The following FER variants were observed in gnomAD, a reference collection of about 807,000 sequenced individuals.
FER encodes the protein tyrosine-protein kinase Fer.
FER carries 63 observed loss-of-function variants against 111.0 expected under a neutral mutation model. That is an observed-to-expected ratio of 0.57 (90% CI 0.46 to 0.70). The LOEUF (loss-of-function observed/expected upper bound fraction) is 0.70, where lower values mean the gene tolerates loss of function less well. Among genes scored for constraint, FER ranks in the 30% least tolerant of loss-of-function variants. The pLI is 0.00. For synonymous variants in FER, 327 were observed against 313.9 expected (o/e 1.04, Z -0.44); for missense variants, 914 against 954.0 (o/e 0.96, Z 0.55).
At chr5:108,757,864 G>C (rs547739139) in intron 1 of FER, among the ~76,000 whole-genome samples, 200 of 152,246 alleles carry the variant, frequency 1.3e-3, no homozygotes, top group African/African-American at 4.3e-3. Context: ...AACAAATATA[G>C]GAGCTAGACC....
At chr5:109,107,631 G>A (rs760650863) in intron 17 of FER, among the ~76,000 whole-genome samples, 8 of 152,034 alleles carry the variant, frequency 5.3e-5, no homozygotes, top group Non-Finnish European at 7.4e-5. Context: ...AAAGTTATGG[G>A]GTTATCTCAC....
At chr5:109,063,921 C>T (rs1378338007) in intron 16 of FER, among the ~76,000 whole-genome samples, 1 of 152,082 alleles carries the variant, frequency 6.6e-6, no homozygotes, top group East Asian at 1.9e-4. Flanking sequence ...TAGACATTCC[C>T]ATTTTTATTG....
Position 108,992,092 on chromosome 5 carries a change from T to A in FER, c.1656+32745T>A, listed in dbSNP as rs558133993. On this transcript the variant is annotated intron_variant, in intron 13 of 19. Coordinates refer to ENST00000281092, the MANE Select transcript of FER (RefSeq NM_005246.4). The stretch of plus-strand genomic sequence containing the variant: ...TGGTGATGACTCTTAACGAGCATGC[T>A]GCCTTCAAGCATCTGTTTAACAAAG... Among the ~76,000 whole-genome samples the A allele has an allele frequency of 9.8e-3, 1,494 of 152,116 alleles. 19 individuals are homozygous for A. The highest frequency in any genetic ancestry group is 0.034 in the African/African-American group (1,425 of 41,462).
intron 5 of FER, among the ~76,000 whole-genome samples, chr5:108,837,488 T>C (rs1341611809): frequency 6.6e-6 from 1 of 152,220 alleles, no homozygotes; most frequent in African/African-American, 2.4e-5. Flanking sequence ...CATGCCTGGC[T>C]AGCATTCTCA....
At chr5:108,822,824 C>T (rs779296027) in intron 3 of FER, among the ~76,000 whole-genome samples, 119 of 149,466 alleles carry the variant, frequency 8.0e-4, no homozygotes, top group Admixed American at 2.3e-3. Context: ...GAGTCTCGTT[C>T]TGTCGCCTAG....
chr5:109,161,070 A>C (rs1042457169), intron 17 of FER, among the ~76,000 whole-genome samples: 2 of 152,198 alleles, frequency 1.3e-5, no homozygotes, highest in African/African-American at 2.4e-5. Context: ...AAAGATCAAG[A>C]GAAAGTAATG....
chr5:108,898,501 T>TTC (rs1554089301), intron 10 of FER, among the ~76,000 whole-genome samples: 1 of 147,822 alleles, frequency 6.8e-6, no homozygotes, highest in Non-Finnish European at 1.5e-5. Flanking sequence ...CCTTCCTCTT[T>TTC]CTCTCTCCTT....
rs79900565 is a variant in FER, at chr5:109,195,187, G to A, written c.*7612G>A. ...GTTGGAAGCAAATGCCGAGGGAAAGGTGCCCAGAGCCATGCTTGATAGGAC... is the reference window on the plus strand; with the variant it reads ...GTTGGAAGCAAATGCCGAGGGAAAGATGCCCAGAGCCATGCTTGATAGGAC... On this transcript the variant is annotated 3_prime_UTR_variant, in exon 20 of 20. Transcript: ENST00000281092. 16,383 of 152,228 alleles carry A rather than the reference G, an allele frequency of 0.11. 905 individuals are homozygous for A. Among genetic ancestry groups the A allele is most frequent in the Middle Eastern group, 0.16 (47 of 294 alleles). 9.4% of individuals were successfully genotyped at this position (152,228 alleles called of 1,614,324 possible).
intron 19 of FER, 93 bp from the exon 20 acceptor site, chr5:109,187,340 G>A (rs915782318): frequency 9.1e-6 from 12 of 1,313,542 alleles, no homozygotes; most frequent in African/African-American, 5.9e-5. Flanking sequence ...ACAACATAAG[G>A]TACCAAAAGT....
chr5:109,100,036 A>G (rs1310040553), intron 16 of FER, among the ~76,000 whole-genome samples: 2 of 151,742 alleles, frequency 1.3e-5, no homozygotes, highest in Non-Finnish European at 3.0e-5. Flanking sequence ...TCATAATAAT[A>G]TAGTTTTCAT....
intron 17 of FER, among the ~76,000 whole-genome samples, chr5:109,108,841 G>A (rs1320818656): frequency 6.6e-6 from 1 of 152,144 alleles, no homozygotes; most frequent in Non-Finnish European, 1.5e-5. Context: ...TCCAAGGCAG[G>A]ATTGGAGCAA....
intron 17 of FER, among the ~76,000 whole-genome samples, chr5:109,118,843 G>T (rs1415572283): frequency 6.6e-6 from 1 of 151,854 alleles, no homozygotes; most frequent in African/African-American, 2.4e-5. Flanking sequence ...TGTGGGATCA[G>T]TGGTGATATC....
rs552591862 is a variant in FER, at chr5:108,832,325, G to A, written c.208-445G>A. ...CCTCCACAAAAGACAGTTTCAGAGT[G>A]AAGTTGAGTCAGCAGGATCAGATGC... On this transcript the variant is annotated intron_variant, in intron 3 of 19. Transcript: ENST00000281092. Among the ~76,000 whole-genome samples the A allele has an allele frequency of 2.0e-5, 3 of 152,328 alleles. No individual in the cohort carries two copies. The East Asian group carries it at 5.8e-4, about 29-fold the overall frequency.
chr5:109,099,013 C>A (rs1465391194), intron 16 of FER, among the ~76,000 whole-genome samples: 1 of 151,472 alleles, frequency 6.6e-6, no homozygotes, highest in African/African-American at 2.4e-5. Context: ...CTTAAGAAAG[C>A]ATAGATCCCT....
chr5:108,886,639 A>T (rs1388881673), intron 9 of FER, among the ~76,000 whole-genome samples: 1 of 151,486 alleles, frequency 6.6e-6, no homozygotes, highest in Non-Finnish European at 1.5e-5. Context: ...TGTCTTTTTG[A>T]TCATATTATT....
In FER at chr5:109,045,254, C is replaced by CATATACATTTAAGT. The variant is rs1225311101; in HGVS notation, c.1829+483_1829+496dup. Among the ~76,000 whole-genome samples the CATATACATTTAAGT allele has an allele frequency of 2.7e-5, 4 of 149,384 alleles. No individual in the cohort carries two copies. In the East Asian group the frequency reaches 5.8e-4, roughly 22 times the overall value. On this transcript the variant is annotated intron_variant, in intron 15 of 19. Transcript: ENST00000281092. ...ATTTCTTCTTCAACTGTATAACTTA[C>CATATACATTTAAGT]ATATACATTTAAGTATATACATTTA...
chr5:108,814,199 C>T lies in FER; in HGVS notation c.207+15810C>T, dbSNP rs933537720. Among the ~76,000 whole-genome samples, 9 of 152,028 alleles carry T rather than the reference C, an allele frequency of 5.9e-5. No individual in the cohort carries two copies. The South Asian group carries it at 6.2e-4, about 11-fold the overall frequency. On this transcript the variant is annotated intron_variant, in intron 3 of 19. Transcript: ENST00000281092. ...CTTCTGTGACTTTTTATCTAGAATA[C>T]GAACATGAGAAATCACATGAACCTG...
chr5:109,069,745 T>C (rs1315553993), intron 16 of FER, among the ~76,000 whole-genome samples: 2 of 152,230 alleles, frequency 1.3e-5, no homozygotes, highest in East Asian at 3.9e-4. Flanking sequence ...TTCCAATCCA[T>C]CATTGACGTC....
intron 17 of FER, among the ~76,000 whole-genome samples, chr5:109,133,615 A>G (rs1286964967): frequency 6.6e-6 from 1 of 152,184 alleles, no homozygotes; most frequent in African/African-American, 2.4e-5. Flanking sequence ...AAAAGAAAGC[A>G]CATTTGACTA....
Sources: gnomAD v4.1 joint callset for allele counts (sites outside exome capture counted in the v4.1 genomes callset) on GRCh38, gnomAD v4.1.1 for gene constraint, MANE v1.5 for transcripts, NCBI Gene and HGNC (gene_info 2026-07-23, HGNC 2026-07-21) for gene names.